SHISA9: variants seen among roughly 807,000 people sequenced by gnomAD.
SHISA9 encodes the protein protein shisa-9.
SHISA9 carries 13 observed loss-of-function variants against 38.0 expected under a neutral mutation model. That is an observed-to-expected ratio of 0.34 (90% CI 0.22 to 0.54). The LOEUF (loss-of-function observed/expected upper bound fraction) is 0.54. Ranked by LOEUF, SHISA9 falls within the 20% of genes least tolerant of loss-of-function variation. The probability of loss-of-function intolerance (pLI) is 0.91; values close to 1 mark genes in which losing one functional copy is unlikely to be tolerated. For synonymous variants in SHISA9, 275 were observed against 242.0 expected (o/e 1.14, Z -1.27); for missense variants, 538 against 575.8 (o/e 0.93, Z 0.67).
chr16:13,380,072 G>A, the SHISA9 span, among the ~76,000 whole-genome samples: 10 of 151,786 alleles, frequency 6.6e-5, no homozygotes, highest in Non-Finnish European at 1.0e-4. Flanking sequence ...AAGTAGAACC[G>A]AAAGACGAAG....
the SHISA9 span, among the ~76,000 whole-genome samples, chr16:13,266,028 T>C: frequency 6.6e-6 from 1 of 151,968 alleles, no homozygotes; most frequent in Non-Finnish European, 1.5e-5. Context: ...ACAACAGATA[T>C]AAAGTGGATG....
chr16:13,549,933 G>A, the SHISA9 span, among the ~76,000 whole-genome samples: 1 of 151,478 alleles, frequency 6.6e-6, no homozygotes, highest in Non-Finnish European at 1.5e-5. Flanking sequence ...TGAGGCAGGA[G>A]AATCGCTTGA....
the SHISA9 span, among the ~76,000 whole-genome samples, chr16:13,542,673 C>T: frequency 2.0e-5 from 3 of 152,202 alleles, no homozygotes; most frequent in Non-Finnish European, 4.4e-5. Flanking sequence ...ACAAAATGCA[C>T]ATGTGTTTCA....
chr16:13,178,481 G>A (rs751259653), intron 2 of SHISA9, among the ~76,000 whole-genome samples: 4 of 152,056 alleles, frequency 2.6e-5, no homozygotes, highest in Admixed American at 6.6e-5. Flanking sequence ...CCAAGCTCCC[G>A]ACACAGCAGA....
intron 2 of SHISA9, among the ~76,000 whole-genome samples, chr16:13,071,838 G>T (rs1233844886): frequency 6.6e-6 from 1 of 151,710 alleles, no homozygotes; most frequent in East Asian, 1.9e-4. Context: ...GAGAGAAAGG[G>T]TTTCACTATG....
chr16:13,204,134 TTATCTATCTATCTATCTATC>T (rs60916250), intron 3 of SHISA9, among the ~76,000 whole-genome samples: 5 of 149,342 alleles, frequency 3.3e-5, no homozygotes, highest in Non-Finnish European at 7.4e-5. Flanking sequence ...TAACTACCTA[TTATCTATCTATCTATCTATC>T]TATCTATCTA....
the SHISA9 span, among the ~76,000 whole-genome samples, chr16:13,394,928 G>GGTGTGTGT: frequency 7.0e-3 from 978 of 139,482 alleles, 6 homozygotes; most frequent in Admixed American, 8.6e-3. Context: ...CAGTATCTGG[G>GGTGTGTGT]GTGTGTGTGT....
the SHISA9 span, among the ~76,000 whole-genome samples, chr16:13,341,102 G>A: frequency 1.3e-5 from 2 of 152,168 alleles, no homozygotes; most frequent in Non-Finnish European, 2.9e-5. Flanking sequence ...AAGGATCCAT[G>A]TTTATTTCTC....
intron 2 of SHISA9, among the ~76,000 whole-genome samples, chr16:12,989,044 A>G (rs1366825982): frequency 2.0e-5 from 3 of 152,158 alleles, no homozygotes; most frequent in Non-Finnish European, 4.4e-5. Context: ...AGATGAGGTA[A>G]GAGCTAGAAA....
the SHISA9 span, among the ~76,000 whole-genome samples, chr16:13,301,862 A>G: frequency 1.3e-5 from 2 of 152,186 alleles, no homozygotes; most frequent in African/African-American, 4.8e-5. Context: ...ACTTTTCTCA[A>G]TGTCAAACGA....
intron 2 of SHISA9, among the ~76,000 whole-genome samples, chr16:13,045,208 C>T (rs981487288): frequency 6.6e-6 from 1 of 152,166 alleles, no homozygotes; most frequent in Non-Finnish European, 1.5e-5. Flanking sequence ...CTAATAATGG[C>T]CAAACTTCAT....
chr16:13,537,176 C>G, the SHISA9 span, among the ~76,000 whole-genome samples: 10 of 151,990 alleles, frequency 6.6e-5, no homozygotes, highest in Non-Finnish European at 1.2e-4. Flanking sequence ...GCCTGTAATC[C>G]TAGCACTTTG....
At chr16:13,129,221 T>C (rs2050287205) in intron 2 of SHISA9, among the ~76,000 whole-genome samples, 1 of 152,236 alleles carries the variant, frequency 6.6e-6, no homozygotes, top group African/African-American at 2.4e-5. Flanking sequence ...TGTGGATTAA[T>C]TAGAACTCTG....
the SHISA9 span, among the ~76,000 whole-genome samples, chr16:13,453,274 A>C: frequency 6.6e-6 from 1 of 152,202 alleles, no homozygotes; most frequent in Non-Finnish European, 1.5e-5. Context: ...TCCTTATTGC[A>C]AACTTTGGGA....
At chr16:13,325,119 G>A in the SHISA9 span, among the ~76,000 whole-genome samples, 2 of 152,154 alleles carry the variant, frequency 1.3e-5, no homozygotes, top group African/African-American at 4.8e-5. Flanking sequence ...AAATGTGTCA[G>A]ACTCTCTGGA....
chr16:12,945,711 T>C (rs1346382181), intron 2 of SHISA9, among the ~76,000 whole-genome samples: 2 of 152,212 alleles, frequency 1.3e-5, no homozygotes, highest in African/African-American at 2.4e-5. Flanking sequence ...ATAGGGTTGT[T>C]TTGAGACTTA....
chr16:13,267,402 T>C, the SHISA9 span, among the ~76,000 whole-genome samples: 2 of 152,080 alleles, frequency 1.3e-5, no homozygotes, highest in East Asian at 3.9e-4. Flanking sequence ...CCCAAACTGA[T>C]GGGGGTGTGG....
chr16:13,127,016 G>C (rs1483524757), intron 2 of SHISA9, among the ~76,000 whole-genome samples: 5 of 143,948 alleles, frequency 3.5e-5, no homozygotes, highest in Admixed American at 3.5e-4. Flanking sequence ...ACTGTGGGAA[G>C]GAGACAGAGA....
chr16:13,562,519 G>T, the SHISA9 span, among the ~76,000 whole-genome samples: 1 of 151,430 alleles, frequency 6.6e-6, no homozygotes, highest in East Asian at 1.9e-4. Context: ...AGTCCCAGCT[G>T]CTCGGGAAGC....
Sources: gnomAD v4.1 joint callset for allele counts (sites outside exome capture counted in the v4.1 genomes callset) on GRCh38, gnomAD v4.1.1 for gene constraint, MANE v1.5 for transcripts, NCBI Gene and HGNC (gene_info 2026-07-23, HGNC 2026-07-21) for gene names.